NEDD4L: variants seen among roughly 807,000 people sequenced by gnomAD.
The protein encoded by NEDD4L is E3 ubiquitin-protein ligase NEDD4-like.
Under a neutral mutation model 148.9 loss-of-function variants are expected in NEDD4L, and 54 were observed. That is an observed-to-expected ratio of 0.36 (90% CI 0.29 to 0.45). The LOEUF (loss-of-function observed/expected upper bound fraction) is 0.45, where lower values mean the gene tolerates loss of function less well. NEDD4L is among the 20% of genes least tolerant of loss of function. The probability of loss-of-function intolerance (pLI) is 1.00; values close to 1 mark genes in which losing one functional copy is unlikely to be tolerated. For synonymous variants in NEDD4L, 433 were observed against 440.7 expected (o/e 0.98, Z 0.22); for missense variants, 856 against 1,233.8 (o/e 0.69, Z 4.59).
intron 6 of NEDD4L, among the ~76,000 whole-genome samples, chr18:58,317,242 G>A (rs904796667): frequency 2.0e-5 from 3 of 152,202 alleles, no homozygotes; most frequent in East Asian, 1.9e-4. Context: ...GGGCTTCTGC[G>A]TGAGAACTAC....
intron 2 of NEDD4L, among the ~76,000 whole-genome samples, chr18:58,195,009 T>C (rs2040503843): frequency 6.6e-6 from 1 of 152,212 alleles, no homozygotes; most frequent in African/African-American, 2.4e-5. Context: ...AAAGCTAGTT[T>C]TGGCTGATGA....
chr18:58,128,770 G>A (rs963710064), intron 1 of NEDD4L, among the ~76,000 whole-genome samples: 1 of 152,222 alleles, frequency 6.6e-6, no homozygotes, highest in African/African-American at 2.4e-5. Flanking sequence ...ACATTTAAAT[G>A]CCTGAAGTGT....
intron 1 of NEDD4L, among the ~76,000 whole-genome samples, chr18:58,106,145 A>G (rs1271302119): frequency 6.6e-6 from 1 of 152,194 alleles, no homozygotes; most frequent in Non-Finnish European, 1.5e-5. Context: ...CCAGCTAGGC[A>G]CAAGCCCTGT....
intron 12 of NEDD4L, 23 bp downstream of exon 12, chr18:58,333,915 C>T: frequency 6.4e-7 from 1 of 1,568,544 alleles, no homozygotes; most frequent in Non-Finnish European, 8.7e-7. Flanking sequence ...AATTTCCAGT[C>T]ATCAGTTGAC....
chr18:58,372,830 C>CA (rs11318354), intron 23 of NEDD4L, among the ~76,000 whole-genome samples: 20,167 of 132,518 alleles, frequency 0.15, 1,525 homozygotes, highest in South Asian at 0.25. Flanking sequence ...ATCTCAAAAA[C>CA]AAAAAAAAAA....
chr18:58,196,267 C>T lies in NEDD4L; in HGVS notation c.122+30406C>T, dbSNP rs528254124. On this transcript the variant is annotated intron_variant, in intron 2 of 30. Transcript: ENST00000400345. The stretch of plus-strand genomic sequence containing the variant: ...GCATAGCTAATGCAATCAGCCAGCT[C>T]GTGATGGGACAACATACTTCTCTAT... Among the ~76,000 whole-genome samples the T allele has an allele frequency of 5.3e-5, 8 of 152,274 alleles. No homozygotes were observed. In the South Asian group the frequency reaches 1.7e-3, roughly 32 times the overall value.
At chr18:58,155,271 A>G (rs79910274) in intron 1 of NEDD4L, among the ~76,000 whole-genome samples, 99 of 39,922 alleles carry the variant, frequency 2.5e-3, no homozygotes, top group Non-Finnish European at 4.1e-3. Flanking sequence ...TGTGTTTTGA[A>G]AAAAAAAAAA....
intron 5 of NEDD4L, among the ~76,000 whole-genome samples, chr18:58,294,728 C>T (rs925861880): frequency 3.3e-5 from 5 of 151,716 alleles, no homozygotes; most frequent in African/African-American, 1.2e-4. Flanking sequence ...CTATGTTGCC[C>T]AGGCTGGTCT....
chr18:58,144,310 T>C (rs2033877476), intron 1 of NEDD4L, among the ~76,000 whole-genome samples: 1 of 152,034 alleles, frequency 6.6e-6, no homozygotes, highest in South Asian at 2.1e-4. Context: ...CTTCTAATCA[T>C]GGTGGAAGAT....
At chr18:58,390,360 G>A (rs2049646383) in intron 28 of NEDD4L, 2 of 297,026 alleles carry the variant, frequency 6.7e-6, no homozygotes, top group Non-Finnish European at 1.3e-5. Context: ...GGTAAGCCTC[G>A]AACACAGAAA....
At chr18:58,373,889 A>G (rs1055292219) in intron 24 of NEDD4L, among the ~76,000 whole-genome samples, 1 of 152,206 alleles carries the variant, frequency 6.6e-6, no homozygotes, top group Middle Eastern at 3.2e-3. Flanking sequence ...CTAAGGATCT[A>G]TGCGATGTAT....
Position 58,195,506 on chromosome 18 carries a change from GCGCAGGGCCCTA to G in NEDD4L, c.122+29647_122+29658del, listed in dbSNP as rs1368740604. On this transcript the variant is annotated intron_variant, in intron 2 of 30. Transcript: ENST00000400345. ...CGCGAGGGTGCCCGGGTGGGTGGCTGCGCAGGGCCCTACCTGGGCGGGAGCGGCTGCAGAGCC... is the reference window on the plus strand; with the variant it reads ...CGCGAGGGTGCCCGGGTGGGTGGCTGCCTGGGCGGGAGCGGCTGCAGAGCC... 3.0e-6 allele frequency: 4 copies of G among 1,345,402 alleles called. No homozygotes were observed. The East Asian group carries it at 1.8e-4, about 62-fold the overall frequency. The allele number at this position is 1,345,402 out of a possible 1,614,324, so 83.3% of individuals were successfully genotyped here. A position where few individuals can be genotyped will look rare whatever the true frequency, so the allele number is the denominator to read the frequency against.
At chr18:58,220,990 C>T (rs2059775791) in intron 2 of NEDD4L, among the ~76,000 whole-genome samples, 1 of 152,146 alleles carries the variant, frequency 6.6e-6, no homozygotes, top group African/African-American at 2.4e-5. Context: ...CTGGGATGCA[C>T]AGTACAGACT....
intron 1 of NEDD4L, among the ~76,000 whole-genome samples, chr18:58,136,884 G>A (rs2032910462): frequency 6.6e-6 from 1 of 152,140 alleles, no homozygotes; most frequent in African/African-American, 2.4e-5. Context: ...GACAGGTTTT[G>A]CCACTAAAAT....
chr18:58,284,860 C>G (rs1465685143), intron 5 of NEDD4L, among the ~76,000 whole-genome samples: 1 of 152,126 alleles, frequency 6.6e-6, no homozygotes, highest in African/African-American at 2.4e-5. Flanking sequence ...ATGTGGAAAG[C>G]GTGTGGCTGG....
At chr18:58,284,339 G>A (rs1427575389) in intron 5 of NEDD4L, among the ~76,000 whole-genome samples, 1 of 151,966 alleles carries the variant, frequency 6.6e-6, no homozygotes, top group Non-Finnish European at 1.5e-5. Flanking sequence ...ATTGAGTACT[G>A]TTGTTGATTT....
chr18:58,149,587 G>A (rs2034458644), intron 1 of NEDD4L: 1 of 1,470,806 alleles, frequency 6.8e-7, no homozygotes, highest in African/African-American at 1.4e-5. Flanking sequence ...TTTGCTTGGT[G>A]GGGGAGGAGG....
At chr18:58,140,856 T>C (rs1599052163) in intron 1 of NEDD4L, among the ~76,000 whole-genome samples, 1 of 152,334 alleles carries the variant, frequency 6.6e-6, no homozygotes, top group East Asian at 1.9e-4. Flanking sequence ...GTTGCTCATT[T>C]TTCTGAGATT....
At chr18:58,360,023 T>G (rs2045261377) in intron 19 of NEDD4L, 1 of 152,268 alleles carries the variant, frequency 6.6e-6, no homozygotes, top group Non-Finnish European at 1.5e-5. Context: ...GAGATTCTCC[T>G]GCATGTCTTC....
Sources: allele counts gnomAD v4.1 joint callset (sites outside exome capture counted in the v4.1 genomes callset), GRCh38; gene constraint gnomAD v4.1.1; transcripts MANE v1.5; gene names NCBI Gene and HGNC (gene_info 2026-07-23, HGNC 2026-07-21).